Variants in SCNN1A observed in about 807,000 individuals in gnomAD.
The protein encoded by SCNN1A is sodium channel epithelial 1 subunit alpha.
SCNN1A carries 65 observed loss-of-function variants against 68.6 expected under a neutral mutation model. The observed-to-expected ratio is 0.95, with a 90% CI of 0.78 to 1.16. The LOEUF (loss-of-function observed/expected upper bound fraction) is 1.16. Among genes scored for constraint, SCNN1A ranks in the 50% most tolerant of loss-of-function variants. The pLI is 0.00. For missense variants in SCNN1A, 880 were observed against 865.9 expected (o/e 1.02, Z -0.20); for synonymous variants, 357 against 353.3 (o/e 1.01, Z -0.12).
chr12:6,374,415 G>C lies in SCNN1A; in HGVS notation c.369C>G (p.Asp123Glu), dbSNP rs758345341. The C allele has an allele frequency of 1.2e-6, 2 of 1,614,244 alleles. No individual in the cohort carries two copies. The highest frequency in any genetic ancestry group is 8.5e-7 in the Non-Finnish European group (1 of 1,180,028). Reference sequence around the variant, plus strand: ...TGGTCACTGCGGGGAAGACGAGCTTGTCCGAGTTGAGGTTGATGTTGAGGC... The same window carrying C: ...TGGTCACTGCGGGGAAGACGAGCTTCTCCGAGTTGAGGTTGATGTTGAGGC... ...PVSLNINLNSDKLVFPAVTIC... is the reference protein window; with the variant it reads ...PVSLNINLNSEKLVFPAVTIC... The change falls in exon 2 of 13, where the codon GAC becomes GAG. Residue 123 changes from aspartate (D) to glutamate (E), a missense_variant. By Grantham distance (45) the Asp-to-Glu change is conservative (BLOSUM62 2). Coordinates refer to ENST00000228916, the MANE Select transcript of SCNN1A (RefSeq NM_001038.6). The surrounding 1 kb of genome is among the most constrained non-coding windows in gnomAD (Gnocchi z 6.2).
chr12:6,349,388 G>C lies in SCNN1A; in HGVS notation c.1378C>G (p.Leu460Val), dbSNP rs1166708011. The C allele has an allele frequency of 1.3e-6, 2 of 1,597,712 alleles. No individual in the cohort carries two copies. The highest frequency in any genetic ancestry group is 1.7e-6 in the Non-Finnish European group (2 of 1,171,524). Residue 460 changes from leucine (L) to valine (V), a missense_variant, in exon 9 of 13, where the codon CTC becomes GTC. By Grantham distance (32) the Leu-to-Val change is conservative. Transcript: ENST00000228916. Reference sequence around the variant, plus strand: ...TGGTCTGAGGAGAAGTCAACCTGGAGCTTATAGTAGCAGTACCCTGTGGGT... The same window carrying C: ...TGGTCTGAGGAGAAGTCAACCTGGACCTTATAGTAGCAGTACCCTGTGGGT... ...HSSWGYCYYK[L>V]QVDFSSDHLG...
In SCNN1A at chr12:6,347,765, T is replaced by C. The variant is rs1948283131; in HGVS notation, c.*108A>G. 3.1e-6 allele frequency: 3 copies of C among 968,144 alleles called. No individual in the cohort carries two copies. Among genetic ancestry groups the C allele is most frequent in the Non-Finnish European group, 4.8e-6 (3 of 621,602 alleles). The allele number at this position is 968,144 out of a possible 1,614,324, so 60.0% of individuals were successfully genotyped here. ...CTTCCCCTCCACACATCAACGGCAG[T>C]TTGGGCGGCTCTGAGAGGAAGCCCT... On this transcript the variant is annotated 3_prime_UTR_variant, in exon 13 of 13. Coordinates refer to ENST00000228916, the MANE Select transcript of SCNN1A (RefSeq NM_001038.6).
intron 8 of SCNN1A, among the ~76,000 whole-genome samples, chr12:6,352,557 ATTAT>A (rs768141756): frequency 5.9e-5 from 9 of 152,210 alleles, no homozygotes; most frequent in Non-Finnish European, 1.3e-4. Flanking sequence ...AGTAGAAATA[ATTAT>A]TTGAGGGGAG....
At chr12:6,360,720 G>A (rs72645104) in intron 4 of SCNN1A, among the ~76,000 whole-genome samples, 11 of 152,176 alleles carry the variant, frequency 7.2e-5, no homozygotes, top group Non-Finnish European at 1.2e-4. Flanking sequence ...AGATGGCTCC[G>A]GAAAATAAAC....
chr12:6,350,249 G>T (rs1277528329), intron 8 of SCNN1A, among the ~76,000 whole-genome samples: 1 of 148,600 alleles, frequency 6.7e-6, no homozygotes, highest in East Asian at 2.1e-4. Flanking sequence ...TGGCTAACAC[G>T]GTGAAACCCC....
At chr12:6,363,865 G>C in intron 2 of SCNN1A, 155 bp from the exon 3 acceptor site, 1 of 609,454 alleles carries the variant, frequency 1.6e-6, no homozygotes, top group Non-Finnish European at 2.7e-6. Context: ...CTGGCCGTCC[G>C]GCGGTGAAGG....
intron 12 of SCNN1A, 131 bp downstream of exon 12, chr12:6,348,596 C>T: frequency 2.2e-6 from 2 of 899,554 alleles, no homozygotes; most frequent in South Asian, 2.7e-5. Flanking sequence ...CCTTGACCCT[C>T]TTCTTTGGTC....
chr12:6,362,343 C>G (rs966073139), intron 3 of SCNN1A, 102 bp from the exon 4 acceptor site: 1 of 1,050,998 alleles, frequency 9.5e-7, no homozygotes, highest in Non-Finnish European at 1.5e-6. Context: ...TGAGGACTGA[C>G]GGACAGGAGT....
At chr12:6,370,038 C>A (rs1236657969) in intron 2 of SCNN1A, among the ~76,000 whole-genome samples, 1 of 152,162 alleles carries the variant, frequency 6.6e-6, no homozygotes, top group Non-Finnish European at 1.5e-5. Flanking sequence ...GTGGGTTCTT[C>A]CAGACAGTCC....
intron 2 of SCNN1A, among the ~76,000 whole-genome samples, chr12:6,364,478 G>A (rs1948641469): frequency 6.6e-6 from 1 of 152,122 alleles, no homozygotes; most frequent in Admixed American, 6.5e-5. Context: ...CATTTAGGCC[G>A]GGTGTGGTGG....
chr12:6,374,647 T>C lies in SCNN1A; in HGVS notation c.137A>G (p.Glu46Gly). Residue 46 changes from glutamate (E) to glycine (G), a missense_variant, in exon 2 of 13, where the codon GAG (glutamate) becomes GGG (glycine). Glu to Gly is a moderately conservative substitution (Grantham distance 98). This residue lies in a region of SCNN1A where 77 missense variants were observed against 67.4 expected (regional missense o/e 1.14). Coordinates refer to ENST00000228916, the MANE Select transcript of SCNN1A (RefSeq NM_001038.6). The surrounding 1 kb of genome is among the most constrained non-coding windows in gnomAD (Gnocchi z 6.2). ...AAPQQPTAEE[E>G]ALIEFHRSYR... The stretch of plus-strand genomic sequence containing the variant: ...GGAGCGGTGGAACTCGATCAGGGCC[T>C]CCTCCTCCGCCGTGGGCTGCTGGGG... 1.9e-6 allele frequency: 3 copies of C among 1,613,510 alleles called. No homozygotes were observed. Among genetic ancestry groups the C allele is most frequent in the Non-Finnish European group, 2.5e-6 (3 of 1,179,716 alleles).
Position 6,362,155 on chromosome 12 carries a change from G to A in SCNN1A, c.771C>T (p.Ile257=), listed in dbSNP as rs758245407. 8.7e-6 allele frequency: 14 copies of A among 1,614,114 alleles called. No individual in the cohort carries two copies. The highest frequency in any genetic ancestry group is 9.3e-6 in the Non-Finnish European group (11 of 1,180,024). ...TCTCTGGCAGCCTCGACAGGATGTTGATGTAGTGGAAGCGGTACCACTCCC... is the reference window on the plus strand; with the variant it reads ...TCTCTGGCAGCCTCGACAGGATGTTAATGTAGTGGAAGCGGTACCACTCCC... ...AVREWYRFHY[I]NILSRLPETL... is the part of the protein sequence containing the mutation. Residue 257 remains isoleucine, a synonymous_variant, in exon 4 of 13, where the codon ATC becomes ATT. Transcript: ENST00000228916.
chr12:6,363,738 G>A (rs1360943977), intron 2 of SCNN1A, 28 bp from the exon 3 acceptor site: 4 of 1,573,768 alleles, frequency 2.5e-6, no homozygotes, highest in African/African-American at 1.4e-5. Flanking sequence ...AGAGGGTCAG[G>A]CCAGGGGCCC....
At chr12:6,371,531 CG>C (rs1948791400) in intron 2 of SCNN1A, among the ~76,000 whole-genome samples, 1 of 47,136 alleles carries the variant, frequency 2.1e-5, no homozygotes, top group South Asian at 7.4e-4. Flanking sequence ...GGCGGGGGGG[CG>C]GGGGGTGGGG....
upstream of SCNN1A, chr12:6,376,235 T>C (rs1948906376): frequency 7.2e-6 from 7 of 967,698 alleles, no homozygotes; most frequent in Non-Finnish European, 8.6e-6. Flanking sequence ...CCCTCCTCTT[T>C]CCTGCTGATT....
intron 4 of SCNN1A, among the ~76,000 whole-genome samples, chr12:6,360,553 T>C (rs1450152618): frequency 6.6e-6 from 1 of 152,210 alleles, no homozygotes; most frequent in Non-Finnish European, 1.5e-5. Context: ...GCTGGTAGTT[T>C]CTGTCCTCAA....
intron 4 of SCNN1A, among the ~76,000 whole-genome samples, chr12:6,357,382 T>C (rs1307477704): frequency 2.6e-5 from 4 of 152,112 alleles, no homozygotes; most frequent in Non-Finnish European, 5.9e-5. Flanking sequence ...GAGACCAGCC[T>C]GGCCAACATG....
chr12:6,377,293 G>A, upstream of SCNN1A: 1 of 1,548,154 alleles, frequency 6.5e-7, no homozygotes, highest in Non-Finnish European at 8.7e-7. Context: ...AGGGACAGCT[G>A]GATTTTTCTT....
At chr12:6,357,693 G>A (rs1473268657) in intron 4 of SCNN1A, among the ~76,000 whole-genome samples, 1 of 152,130 alleles carries the variant, frequency 6.6e-6, no homozygotes, top group Non-Finnish European at 1.5e-5. Context: ...TCAGTATAAT[G>A]TGATGGTTAA....
Sources: allele counts gnomAD v4.1 joint callset (sites outside exome capture counted in the v4.1 genomes callset), GRCh38; gene constraint gnomAD v4.1.1; regional missense constraint gnomAD v4.1.1; non-coding constraint Gnocchi (gnomAD v3.1); transcripts MANE v1.5; gene names NCBI Gene and HGNC (gene_info 2026-07-23, HGNC 2026-07-21).